Variants in DROSHA observed in about 807,000 individuals in gnomAD.
DROSHA encodes ribonuclease 3.
In DROSHA, 56 loss-of-function variants were observed where a neutral mutation model predicts 181.9. That is an observed-to-expected ratio of 0.31 (90% confidence interval 0.25 to 0.38). The LOEUF is 0.38. DROSHA is among the 10% of genes least tolerant of loss of function. DROSHA has a pLI of 1.00. For synonymous variants in DROSHA, 524 were observed against 591.2 expected (o/e 0.89, Z 1.65); for missense variants, 1,218 against 1,743.5 (o/e 0.70, Z 5.37).
At position 31,401,520 on chromosome 5, in the gene DROSHA, C is replaced by T; in HGVS notation, c.4037G>A (p.Arg1346Gln). The part of the protein sequence containing the change: ...QMAHQKRFIE[R>Q]KYRQELKEMR... The stretch of plus-strand genomic sequence containing the variant: ...TTCTTTTAACTCTTGTCTGTACTTC[C>T]GTTCGATGAACCGCTTCTGATGGGC... Residue 1346 changes from arginine (R) to glutamine (Q), a missense_variant, in exon 36 of 36, where the codon CGG becomes CAG. Transcript: ENST00000344624. 4 of 1,606,382 alleles carry T rather than the reference C, an allele frequency of 2.5e-6. No individual in the cohort carries two copies. The highest frequency in any genetic ancestry group is 3.4e-6 in the Non-Finnish European group (4 of 1,176,058).
Position 31,472,222 on chromosome 5 carries a change from C to A in DROSHA, c.2082G>T (p.Lys694Asn). ...RFVRFLPDGGKEVLSMHQILL... is the reference protein window; with the variant it reads ...RFVRFLPDGGNEVLSMHQILL... The stretch of plus-strand genomic sequence containing the variant: ...GAATCTGGTGCATGGACAGCACTTC[C>A]TTTCCTCCATCTTGGGTGGGAATGG... Residue 694 changes from lysine (K) to asparagine (N), a missense_variant, in exon 17 of 36, where the codon AAG (lysine) becomes AAT (asparagine). Lys to Asn is a moderately conservative substitution (Grantham distance 94). Transcript: ENST00000344624. The A allele has an allele frequency of 6.2e-7, 1 of 1,605,890 alleles. No individual in the cohort carries two copies. Among genetic ancestry groups the A allele is most frequent in the Non-Finnish European group, 8.5e-7 (1 of 1,175,790 alleles).
At chr5:31,516,563 T>C (rs906032914) in intron 6 of DROSHA, among the ~76,000 whole-genome samples, 1 of 152,200 alleles carries the variant, frequency 6.6e-6, no homozygotes. Context: ...ACATATTATT[T>C]ATATAACTTC....
intron 8 of DROSHA, among the ~76,000 whole-genome samples, chr5:31,511,907 CCT>C (rs68006179): frequency 0.32 from 46,621 of 147,246 alleles, 7,439 homozygotes; most frequent in East Asian, 0.57. Flanking sequence ...CTATATATCC[CCT>C]CTCTCTCTCT....
intron 24 of DROSHA, among the ~76,000 whole-genome samples, chr5:31,436,393 CTTTTT>C (rs5867078): frequency 7.5e-6 from 1 of 133,132 alleles, no homozygotes; most frequent in Admixed American, 7.5e-5. Flanking sequence ...GCCCCTATTC[CTTTTT>C]TTTTTTTTTT....
chr5:31,457,830 T>C (rs774993861), intron 20 of DROSHA, among the ~76,000 whole-genome samples: 7 of 152,118 alleles, frequency 4.6e-5, no homozygotes, highest in Non-Finnish European at 1.0e-4. Flanking sequence ...TTCAAGGCTG[T>C]AGTGAGCCAT....
chr5:31,501,207 T>C lies in DROSHA; in HGVS notation c.1668+3348A>G, dbSNP rs79153536. Among the ~76,000 whole-genome samples the C allele has an allele frequency of 0.021, 3,270 of 152,252 alleles. 184 individuals are homozygous for C. In the East Asian group the frequency reaches 0.22, roughly 10 times the overall value. On this transcript the variant is annotated intron_variant, in intron 11 of 35. Transcript: ENST00000344624. ...GCAGTATCTGAATCATCATTGATACTTGGAGACTGGATACATCACTGTGGT... is the reference window on the plus strand; with the variant it reads ...GCAGTATCTGAATCATCATTGATACCTGGAGACTGGATACATCACTGTGGT...
chr5:31,483,233 TTTA>T (rs1350622952), intron 16 of DROSHA, among the ~76,000 whole-genome samples: 1 of 152,198 alleles, frequency 6.6e-6, no homozygotes, highest in Non-Finnish European at 1.5e-5. Context: ...TTTAAATTTT[TTTA>T]TTGTTTTCCA....
intron 6 of DROSHA, among the ~76,000 whole-genome samples, chr5:31,516,522 A>AT (rs1561285371): frequency 6.6e-6 from 1 of 152,334 alleles, no homozygotes; most frequent in East Asian, 1.9e-4. Context: ...GTGTGTAGGT[A>AT]TGTATACTTT....
At chr5:31,468,800 T>A (rs1312274925) in intron 17 of DROSHA, among the ~76,000 whole-genome samples, 1 of 152,194 alleles carries the variant, frequency 6.6e-6, no homozygotes, top group Admixed American at 6.5e-5. Flanking sequence ...AGATTCAGTT[T>A]TCACTAGCAC....
rs146953274 is a variant in DROSHA, at chr5:31,494,694, AT to A, written c.1755+591del. On this transcript the variant is annotated intron_variant, in intron 12 of 35. Coordinates refer to ENST00000344624, the MANE Select transcript of DROSHA (RefSeq NM_001382508.1). Reference sequence around the variant, plus strand: ...CAGTTTGGCATTTCTTCAAAAAAAAATTTTTTTTTTTGAGACAGTCTCACAC... The same window carrying A: ...CAGTTTGGCATTTCTTCAAAAAAAAATTTTTTTTTTGAGACAGTCTCACAC... Among the ~76,000 whole-genome samples the A allele has an allele frequency of 2.6e-5, 4 of 151,492 alleles. No homozygotes were observed. In the East Asian group the frequency reaches 7.8e-4, roughly 29 times the overall value.
At chr5:31,467,901 G>C (rs1749272278) in intron 18 of DROSHA, 38 bp downstream of exon 18, 1 of 1,600,708 alleles carries the variant, frequency 6.2e-7, no homozygotes, top group Non-Finnish European at 8.5e-7. Context: ...TTAGTAGAAG[G>C]TGAAATTGGC....
chr5:31,511,832 T>A (rs1490199410), intron 8 of DROSHA, among the ~76,000 whole-genome samples: 1 of 152,010 alleles, frequency 6.6e-6, no homozygotes, highest in Non-Finnish European at 1.5e-5. Flanking sequence ...AATGTACACT[T>A]CCTACTGAAA....
chr5:31,449,851 C>G (rs750890327), intron 21 of DROSHA, among the ~76,000 whole-genome samples: 9 of 152,116 alleles, frequency 5.9e-5, no homozygotes, highest in Non-Finnish European at 5.9e-5. Context: ...TCTTATCTCC[C>G]CAAGTATCTG....
chr5:31,484,243 G>T (rs1233846590), intron 15 of DROSHA, among the ~76,000 whole-genome samples: 1 of 151,800 alleles, frequency 6.6e-6, no homozygotes, highest in Non-Finnish European at 1.5e-5. Context: ...GCGTAGTGGT[G>T]GGCGCCTGTA....
chr5:31,443,478 AATGCCTAATCCTTCAGACACCCTT>A (rs1745893656), intron 23 of DROSHA, among the ~76,000 whole-genome samples: 1 of 152,128 alleles, frequency 6.6e-6, no homozygotes, highest in Non-Finnish European at 1.5e-5. Flanking sequence ...GAATCCACCA[AATGCCTAATCCTTCAGACACCCTT>A]TTTGTGCTAA....
At chr5:31,462,334 G>A (rs1355372948) in intron 20 of DROSHA, among the ~76,000 whole-genome samples, 1 of 152,152 alleles carries the variant, frequency 6.6e-6, no homozygotes, top group Non-Finnish European at 1.5e-5. Flanking sequence ...ACAGATGGCA[G>A]TTCTCTCTGG....
intron 16 of DROSHA, among the ~76,000 whole-genome samples, chr5:31,476,555 C>A (rs1373359125): frequency 6.6e-6 from 1 of 152,162 alleles, no homozygotes. Flanking sequence ...ACCACAAATC[C>A]ATGTTGAAAT....
intron 30 of DROSHA, among the ~76,000 whole-genome samples, chr5:31,412,767 T>C (rs899070270): frequency 6.6e-6 from 1 of 152,104 alleles, no homozygotes; most frequent in Non-Finnish European, 1.5e-5. Context: ...GCATATAACA[T>C]TAATATAAGA....
At chr5:31,511,927 A>ACG (rs1307016289) in intron 8 of DROSHA, among the ~76,000 whole-genome samples, 3 of 146,970 alleles carry the variant, frequency 2.0e-5, no homozygotes, top group African/African-American at 7.5e-5. Context: ...TCTCTCACAC[A>ACG]CACGCACACA....
Sources: gnomAD v4.1 joint callset for allele counts (sites outside exome capture counted in the v4.1 genomes callset) on GRCh38, gnomAD v4.1.1 for gene constraint, MANE v1.5 for transcripts, NCBI Gene and HGNC (gene_info 2026-07-23, HGNC 2026-07-21) for gene names.